The following ADGRD1 variants were observed in gnomAD, a reference collection of about 807,000 sequenced individuals.
ADGRD1 encodes adhesion G protein-coupled receptor D1.
A neutral mutation model predicts 113.4 loss-of-function variants in ADGRD1; 77 were observed. That is an observed-to-expected ratio of 0.68 (90% CI 0.57 to 0.82). The LOEUF is 0.82. Among genes scored for constraint, ADGRD1 ranks in the 40% least tolerant of loss-of-function variants. The pLI is 0.00. For missense variants in ADGRD1, 1,036 were observed against 1,139.1 expected, an observed-to-expected ratio of 0.91 and a Z score of 1.30; for synonymous variants, 474 against 475.0, an observed-to-expected ratio of 1.00 and a Z score of 0.03.
chr12:131,006,170 T>G, intron 12 of ADGRD1, 123 bp downstream of exon 12: 1 of 856,280 alleles, frequency 1.2e-6, no homozygotes, highest in Non-Finnish European at 1.9e-6. Flanking sequence ...TACCGGGCGC[T>G]TCACTGCTCG....
In ADGRD1 at chr12:131,022,513, G is replaced by A. The variant is rs934049595; in HGVS notation, c.1473+8173G>A. Reference sequence around the variant, plus strand: ...ACCGTGATTTATTTATTCAGTTGCTGGTGTTGCTATGACTCAGGGGTACTA... The same window carrying A: ...ACCGTGATTTATTTATTCAGTTGCTAGTGTTGCTATGACTCAGGGGTACTA... On this transcript the variant is annotated intron_variant, in intron 13 of 24. Transcript: ENST00000261654. The surrounding 1 kb of genome is among the most constrained non-coding windows in gnomAD (Gnocchi z 4.6). Among the ~76,000 whole-genome samples, 4 of 152,284 alleles carry A rather than the reference G, an allele frequency of 2.6e-5. No individual in the cohort carries two copies. Among genetic ancestry groups the A allele is most frequent in the African/African-American group, 7.2e-5 (3 of 41,572 alleles).
At chr12:131,122,871 C>T (rs996004309) in intron 20 of ADGRD1, among the ~76,000 whole-genome samples, 16 of 152,190 alleles carry the variant, frequency 1.1e-4, no homozygotes, top group Admixed American at 8.5e-4. Flanking sequence ...GCGCCAGGAA[C>T]CCAGCACCCC....
intron 20 of ADGRD1, among the ~76,000 whole-genome samples, chr12:131,125,023 A>G (rs1950708590): frequency 6.6e-6 from 1 of 152,122 alleles, no homozygotes; most frequent in Non-Finnish European, 1.5e-5. Context: ...CTTGTAGATA[A>G]CTGTCTTTTC....
intron 17 of ADGRD1, among the ~76,000 whole-genome samples, 196 bp from the exon 18 acceptor site, chr12:131,108,528 G>GC (rs1950282752): frequency 6.6e-6 from 1 of 152,124 alleles, no homozygotes. Flanking sequence ...GCAACATGGT[G>GC]CTGTAATTGG....
chr12:130,983,562 T>C (rs1319818384), intron 5 of ADGRD1, among the ~76,000 whole-genome samples: 1 of 152,208 alleles, frequency 6.6e-6, no homozygotes, highest in Non-Finnish European at 1.5e-5. Flanking sequence ...TGCTCAACTC[T>C]GGCTGCTTTT....
At position 131,074,863 on chromosome 12, in the gene ADGRD1, G is replaced by C. The variant is rs535493975; in HGVS notation, c.1474-1938G>C. Among the ~76,000 whole-genome samples the C allele has an allele frequency of 9.2e-5, 14 of 152,282 alleles. No homozygotes were observed. In the South Asian group the frequency reaches 2.9e-3, roughly 32 times the overall value. On this transcript the variant is annotated intron_variant, in intron 13 of 24. Transcript: ENST00000261654. ...AAGCTAGCTGCCTTCCCCACCCTCC[G>C]ACCACACACATGCTTGGCTTGTTGC...
At chr12:131,128,365 T>G (rs930748203) in intron 20 of ADGRD1, among the ~76,000 whole-genome samples, 3 of 152,110 alleles carry the variant, frequency 2.0e-5, no homozygotes, top group Non-Finnish European at 4.4e-5. Flanking sequence ...TCTCCAGGCA[T>G]CCCTCTCATG....
chr12:130,974,075 C>T (rs1872018606), intron 4 of ADGRD1, among the ~76,000 whole-genome samples: 1 of 152,190 alleles, frequency 6.6e-6, no homozygotes, highest in African/African-American at 2.4e-5. Flanking sequence ...AGTTCAGCCT[C>T]ACAAGGTGAC....
intron 13 of ADGRD1, among the ~76,000 whole-genome samples, chr12:131,055,658 T>C (rs1433780364): frequency 6.6e-6 from 1 of 152,174 alleles, no homozygotes. Context: ...AAAACCTGGT[T>C]TAAACTGTTT....
At chr12:131,127,304 C>T (rs1950762356) in intron 20 of ADGRD1, among the ~76,000 whole-genome samples, 1 of 152,242 alleles carries the variant, frequency 6.6e-6, no homozygotes, top group South Asian at 2.1e-4. Flanking sequence ...GTTGGCAAAA[C>T]ATTTTGCTGC....
In ADGRD1 at chr12:131,076,728, T is replaced by C. The variant is rs180697624; in HGVS notation, c.1474-73T>C. The C allele has an allele frequency of 2.8e-3, 3,596 of 1,302,774 alleles. 10 individuals carry two copies. Among genetic ancestry groups the C allele is most frequent in the Non-Finnish European group, 3.5e-3 (3,132 of 896,120 alleles). 80.7% of individuals were successfully genotyped at this position (1,302,774 alleles called of 1,614,324 possible). On this transcript the variant is annotated intron_variant, in intron 13 of 24. Coordinates refer to ENST00000261654, the MANE Select transcript of ADGRD1 (RefSeq NM_198827.5). ...GGTCGCCCAGCTGTAAGGGTCTCGC[T>C]CTCACATCAGTGCTGAGAACCAGGG... is the stretch of plus-strand genomic sequence containing the variant.
intron 19 of ADGRD1, among the ~76,000 whole-genome samples, chr12:131,119,731 G>T (rs1042957639): frequency 2.0e-5 from 3 of 152,174 alleles, no homozygotes; most frequent in African/African-American, 7.2e-5. Context: ...GGTTTGAATC[G>T]CACCTTTGCA....
At position 131,139,094 on chromosome 12, in the gene ADGRD1, C is replaced by T. The variant is rs1221164080; in HGVS notation, c.2530-74C>T. On this transcript the variant is annotated intron_variant, in intron 24 of 24. Transcript: ENST00000261654. ...CTCGGGCAGCTATGGGCCCAATGCT[C>T]CCCGCACTCACTGGGCTTATGGCTC... is the stretch of plus-strand genomic sequence containing the variant. 4.4e-5 allele frequency: 51 copies of T among 1,152,874 alleles called. No individual in the cohort carries two copies. In the South Asian group the frequency reaches 4.6e-4, roughly 10 times the overall value. 71.4% of individuals were successfully genotyped at this position (1,152,874 alleles called of 1,614,324 possible). A position where few individuals can be genotyped will look rare whatever the true frequency, so the allele number is the denominator to read the frequency against.
intron 13 of ADGRD1, chr12:131,070,661 C>G (rs1885085199): frequency 2.7e-6 from 1 of 363,864 alleles, no homozygotes; most frequent in Admixed American, 3.0e-5. Context: ...GCGCAGTGAG[C>G]AGAGGTGGGA....
Position 131,139,282 on chromosome 12 carries a change from A to G in ADGRD1, c.*19A>G, listed in dbSNP as rs1447200822. On this transcript the variant is annotated 3_prime_UTR_variant, in exon 25 of 25. Coordinates refer to ENST00000261654, the MANE Select transcript of ADGRD1 (RefSeq NM_198827.5). ...CGTGTGAGCCGGGAGGCTGCCAACC[A>G]GGCCAGGCTGCGCTCAGAACACACC... is the stretch of plus-strand genomic sequence containing the variant. The G allele has an allele frequency of 1.3e-6, 2 of 1,576,084 alleles. No individual in the cohort carries two copies. The highest frequency in any genetic ancestry group is 1.1e-5 in the South Asian group (1 of 89,072).
At chr12:131,139,138 C>T (rs770315657) in intron 24 of ADGRD1, 30 bp from the exon 25 acceptor site, 4 of 1,562,188 alleles carry the variant, frequency 2.6e-6, no homozygotes, top group Non-Finnish European at 3.5e-6. Flanking sequence ...GGAGCAGGCC[C>T]TTCACTGCTC....
At chr12:130,968,823 G>A (rs1052876432) in intron 3 of ADGRD1, 15 of 606,806 alleles carry the variant, frequency 2.5e-5, no homozygotes, top group Non-Finnish European at 4.4e-5. Flanking sequence ...GGGTGGTGGA[G>A]GCTGGGGGAT....
chr12:131,108,678 G>A (rs748308357), intron 17 of ADGRD1, 46 bp from the exon 18 acceptor site: 1 of 1,613,510 alleles, frequency 6.2e-7, no homozygotes, highest in East Asian at 2.2e-5. Context: ...CACGCCCAGG[G>A]CCCACCCCAG....
intron 15 of ADGRD1, among the ~76,000 whole-genome samples, chr12:131,098,333 G>A (rs1566107647): frequency 6.6e-6 from 1 of 152,192 alleles, no homozygotes; most frequent in Non-Finnish European, 1.5e-5. Flanking sequence ...ACGGGCTGGG[G>A]CTGGAGCATG....
Sources: gnomAD v4.1 joint callset for allele counts (sites outside exome capture counted in the v4.1 genomes callset) on GRCh38, gnomAD v4.1.1 for gene constraint, Gnocchi (gnomAD v3.1) non-coding constraint, MANE v1.5 for transcripts, NCBI Gene and HGNC (gene_info 2026-07-23, HGNC 2026-07-21) for gene names.